DNAH12: variants seen among roughly 807,000 people sequenced by gnomAD.
DNAH12 encodes dynein axonemal heavy chain 12.
Under a neutral mutation model 371.5 loss-of-function variants are expected in DNAH12, and 285 were observed. The observed-to-expected ratio is 0.77, with a 90% CI of 0.70 to 0.85. The LOEUF (loss-of-function observed/expected upper bound fraction) is 0.85, where lower values mean the gene tolerates loss of function less well. DNAH12 is among the 40% of genes least tolerant of loss of function. DNAH12 has a pLI of 0.00. For synonymous variants in DNAH12, 1,200 were observed against 1,213.0 expected, an observed-to-expected ratio of 0.99 and a Z score of 0.22; for missense variants, 3,611 against 3,689.4, an observed-to-expected ratio of 0.98 and a Z score of 0.55.
chr3:57,352,105 T>C lies in DNAH12; in HGVS notation c.9654A>G (p.Leu3218=), dbSNP rs1283042614. 3 of 1,523,918 alleles carry C rather than the reference T, an allele frequency of 2.0e-6. No homozygotes were observed. The highest frequency in any genetic ancestry group is 2.6e-6 in the Non-Finnish European group (3 of 1,140,004). 94.4% of individuals were successfully genotyped at this position (1,523,918 alleles called of 1,614,324 possible). ...FEKDKLLFSF[L]LCANLLLARK... Reference sequence around the variant, plus strand: ...CTTACAGAAGAAGATTGGCACATAATAAAAAGGAAAATAACAGCTTGTCCT... The same window carrying C: ...CTTACAGAAGAAGATTGGCACATAACAAAAAGGAAAATAACAGCTTGTCCT... The change falls in exon 60 of 74, where the codon TTA becomes TTG. Residue 3218 remains leucine (L), a synonymous_variant. Coordinates refer to ENST00000495027, the MANE Select transcript of DNAH12 (RefSeq NM_001366028.2).
At chr3:57,326,859 A>C (rs1414299183) in intron 62 of DNAH12, among the ~76,000 whole-genome samples, 5 of 152,246 alleles carry the variant, frequency 3.3e-5, no homozygotes, top group Non-Finnish European at 7.3e-5. Flanking sequence ...AAAAGGATGG[A>C]GGAAGATCTG....
At chr3:57,318,215 T>C (rs1031399674) in intron 65 of DNAH12, among the ~76,000 whole-genome samples, 4 of 152,150 alleles carry the variant, frequency 2.6e-5, no homozygotes, top group Admixed American at 1.3e-4. Flanking sequence ...TGGTGTCATA[T>C]CTATGAAATT....
At chr3:57,421,377 T>G in intron 36 of DNAH12, 141 bp downstream of exon 36, 1 of 608,742 alleles carries the variant, frequency 1.6e-6, no homozygotes, top group Admixed American at 3.1e-5. Flanking sequence ...CAATAAGTTA[T>G]GGGAGGTGAA....
intron 66 of DNAH12, among the ~76,000 whole-genome samples, chr3:57,313,754 CTA>C (rs1226345378): frequency 6.6e-6 from 1 of 152,134 alleles, no homozygotes; most frequent in Non-Finnish European, 1.5e-5. Flanking sequence ...CTGTAGTGAG[CTA>C]TGATTGCATC....
intron 52 of DNAH12, among the ~76,000 whole-genome samples, chr3:57,378,791 A>AT (rs1223856704): frequency 1.6e-4 from 24 of 152,030 alleles, no homozygotes; most frequent in Non-Finnish European, 3.2e-4. Context: ...CTTACTTCTG[A>AT]TCCTTTGAAT....
intron 42 of DNAH12, among the ~76,000 whole-genome samples, chr3:57,403,893 A>G (rs2063946188): frequency 6.6e-6 from 1 of 152,172 alleles, no homozygotes; most frequent in Non-Finnish European, 1.5e-5. Context: ...CTTCACTGGT[A>G]ATTAGGTTAA....
At chr3:57,324,003 T>G (rs1005672023) in intron 62 of DNAH12, among the ~76,000 whole-genome samples, 3 of 152,218 alleles carry the variant, frequency 2.0e-5, no homozygotes, top group Non-Finnish European at 4.4e-5. Context: ...TGACTAAGTT[T>G]TGGCCAGAGA....
chr3:57,448,828 C>T (rs2065638185), intron 25 of DNAH12, among the ~76,000 whole-genome samples: 1 of 152,172 alleles, frequency 6.6e-6, no homozygotes, highest in Non-Finnish European at 1.5e-5. Context: ...ACCAGAGTAG[C>T]TAGATACAGA....
intron 65 of DNAH12, among the ~76,000 whole-genome samples, chr3:57,316,625 G>A (rs1044742798): frequency 3.3e-5 from 5 of 152,170 alleles, no homozygotes; most frequent in Admixed American, 1.3e-4. Flanking sequence ...TGTAATCCCC[G>A]CTTTTCAAGG....
intron 11 of DNAH12, chr3:57,498,540 T>C: frequency 1.4e-6 from 1 of 716,974 alleles, no homozygotes; most frequent in Non-Finnish European, 2.6e-6. Context: ...ATCCAGCTCC[T>C]AGAAAGAGAA....
chr3:57,509,861 TAAAAA>T (rs902155403), intron 5 of DNAH12, among the ~76,000 whole-genome samples: 3,605 of 46,108 alleles, frequency 0.078, 27 homozygotes, highest in African/African-American at 0.21. Context: ...GACTCCATCA[TAAAAA>T]AAAAAAAAAA....
chr3:57,483,086 G>T (rs2066803810), intron 13 of DNAH12, among the ~76,000 whole-genome samples: 1 of 127,694 alleles, frequency 7.8e-6, no homozygotes, highest in African/African-American at 3.0e-5. Context: ...AAAAAACAAA[G>T]CTGTGCAACA....
At chr3:57,490,432 G>A (rs1391977954) in intron 11 of DNAH12, among the ~76,000 whole-genome samples, 6 of 152,136 alleles carry the variant, frequency 3.9e-5, no homozygotes, top group Non-Finnish European at 8.8e-5. Flanking sequence ...AAACACTGGG[G>A]TAATTTTTTA....
At chr3:57,361,472 C>CTATATATATA (rs2062935029) in intron 58 of DNAH12, among the ~76,000 whole-genome samples, 1 of 94,536 alleles carries the variant, frequency 1.1e-5, no homozygotes, top group African/African-American at 4.0e-5. Context: ...ATATATATAT[C>CTATATATATA]TCATTCAGCT....
At chr3:57,362,748 T>A (rs960396714) in intron 58 of DNAH12, among the ~76,000 whole-genome samples, 2 of 152,184 alleles carry the variant, frequency 1.3e-5, no homozygotes, top group Admixed American at 1.3e-4. Flanking sequence ...GTTTAAGTTC[T>A]TTGTAGATTC....
At chr3:57,405,529 C>T in intron 41 of DNAH12, 124 bp downstream of exon 41, 1 of 1,122,494 alleles carries the variant, frequency 8.9e-7, no homozygotes, top group Non-Finnish European at 1.2e-6. Flanking sequence ...AAACAAACAC[C>T]TATTTACAAG....
chr3:57,423,061 C>G (rs1172874707), intron 35 of DNAH12, among the ~76,000 whole-genome samples: 1 of 152,142 alleles, frequency 6.6e-6, no homozygotes, highest in Non-Finnish European at 1.5e-5. Flanking sequence ...TTCAGTGTGG[C>G]TGGGGGACTG....
At chr3:57,554,078 C>T in the DNAH12 span, among the ~76,000 whole-genome samples, 14 of 151,120 alleles carry the variant, frequency 9.3e-5, no homozygotes, top group Admixed American at 2.6e-4. Flanking sequence ...TTAGTAGAGA[C>T]GGCGTTTTAA....
At chr3:57,541,685 T>A (rs2069293196) in intron 2 of DNAH12, among the ~76,000 whole-genome samples, 1 of 152,010 alleles carries the variant, frequency 6.6e-6, no homozygotes, top group Non-Finnish European at 1.5e-5. Context: ...TCTTGAATAC[T>A]TAAGCATCTC....
Sources: gnomAD v4.1 joint callset for allele counts (sites outside exome capture counted in the v4.1 genomes callset) on GRCh38, gnomAD v4.1.1 for gene constraint, MANE v1.5 for transcripts, NCBI Gene and HGNC (gene_info 2026-07-23, HGNC 2026-07-21) for gene names.